SLC35F4: variants seen among roughly 807,000 people sequenced by gnomAD.
SLC35F4 encodes the protein chromosome 14 open reading frame 36.
In SLC35F4, 24 loss-of-function variants were observed where a neutral mutation model predicts 44.2. The observed-to-expected ratio is 0.54, with a 90% confidence interval of 0.39 to 0.76. The LOEUF (loss-of-function observed/expected upper bound fraction) is 0.76. Ranked by LOEUF, SLC35F4 falls within the 30% of genes least tolerant of loss-of-function variation. The probability of loss-of-function intolerance (pLI) is 0.00; values close to 1 mark genes in which losing one functional copy is unlikely to be tolerated. For synonymous variants in SLC35F4, 238 were observed against 223.6 expected (o/e 1.06, Z -0.57); for missense variants, 562 against 586.1 (o/e 0.96, Z 0.42).
At chr14:57,883,020 G>A (rs1888569639) in intron 1 of SLC35F4, among the ~76,000 whole-genome samples, 1 of 151,160 alleles carries the variant, frequency 6.6e-6, no homozygotes, top group Non-Finnish European at 1.5e-5. Flanking sequence ...AGGAGGAGGA[G>A]AGGAGGGGAG....
intron 1 of SLC35F4, among the ~76,000 whole-genome samples, chr14:57,848,013 A>T (rs553536323): frequency 2.1e-4 from 32 of 152,328 alleles, no homozygotes; most frequent in African/African-American, 7.2e-4. Flanking sequence ...AAGAATCAGG[A>T]AAGAAGATAA....
intron 1 of SLC35F4, among the ~76,000 whole-genome samples, chr14:57,704,088 G>A (rs528478125): frequency 3.9e-5 from 6 of 152,166 alleles, no homozygotes; most frequent in Non-Finnish European, 8.8e-5. Flanking sequence ...CTCTAGGCAG[G>A]ACTTAGAACT....
chr14:57,939,170 G>A (rs888514628), intron 1 of SLC35F4, among the ~76,000 whole-genome samples: 2 of 151,984 alleles, frequency 1.3e-5, no homozygotes, highest in Non-Finnish European at 2.9e-5. Flanking sequence ...GCTGCCCTGG[G>A]TTTCTGTGTT....
chr14:57,954,603 A>AT (rs1815960838), intron 1 of SLC35F4, among the ~76,000 whole-genome samples: 1 of 152,202 alleles, frequency 6.6e-6, no homozygotes, highest in Admixed American at 6.5e-5. Context: ...ATCACCACTG[A>AT]TCCCACACTA....
intron 1 of SLC35F4, among the ~76,000 whole-genome samples, chr14:57,803,718 T>A (rs957945187): frequency 1.3e-5 from 2 of 150,802 alleles, no homozygotes; most frequent in Admixed American, 6.7e-5. Flanking sequence ...GCCTCCTGAG[T>A]AGCTGGGATC....
At chr14:57,780,159 T>A (rs1277850941) in intron 1 of SLC35F4, among the ~76,000 whole-genome samples, 1 of 152,150 alleles carries the variant, frequency 6.6e-6, no homozygotes, top group African/African-American at 2.4e-5. Context: ...TGTTTGCAGA[T>A]GACATGATTC....
intron 1 of SLC35F4, among the ~76,000 whole-genome samples, chr14:57,816,396 A>T (rs1157463733): frequency 6.6e-6 from 1 of 152,184 alleles, no homozygotes; most frequent in Non-Finnish European, 1.5e-5. Context: ...TCATGCAGAA[A>T]ATGAACCTCC....
At chr14:57,652,477 A>C (rs1179976643) in intron 1 of SLC35F4, among the ~76,000 whole-genome samples, 1 of 152,162 alleles carries the variant, frequency 6.6e-6, no homozygotes, top group Non-Finnish European at 1.5e-5. Context: ...GTGGTTCTGA[A>C]CGAGGGATGA....
intron 1 of SLC35F4, among the ~76,000 whole-genome samples, chr14:57,712,464 T>C (rs972837144): frequency 2.6e-5 from 4 of 152,206 alleles, no homozygotes; most frequent in Non-Finnish European, 4.4e-5. Flanking sequence ...ACCTAATACA[T>C]TGGCTACTAG....
At chr14:57,945,863 CT>C (rs781034783) in intron 1 of SLC35F4, among the ~76,000 whole-genome samples, 2 of 152,036 alleles carry the variant, frequency 1.3e-5, no homozygotes, top group Non-Finnish European at 2.9e-5. Flanking sequence ...TTGCATTTAC[CT>C]GATGATTAGT....
At chr14:57,622,243 T>A (rs937321757) in intron 1 of SLC35F4, among the ~76,000 whole-genome samples, 6 of 129,906 alleles carry the variant, frequency 4.6e-5, no homozygotes, top group Non-Finnish European at 8.2e-5. Context: ...GTTCAACCAC[T>A]GTGGAAGTCA....
At chr14:57,670,277 A>AC (rs549524581) in intron 1 of SLC35F4, among the ~76,000 whole-genome samples, 3,900 of 152,078 alleles carry the variant, frequency 0.026, 184 homozygotes, top group African/African-American at 0.088. Flanking sequence ...TTTTCAAAGA[A>AC]CAGCTCCTGG....
intron 1 of SLC35F4, among the ~76,000 whole-genome samples, chr14:57,823,706 T>C (rs972177925): frequency 9.9e-5 from 15 of 152,214 alleles, no homozygotes; most frequent in Non-Finnish European, 2.1e-4. Flanking sequence ...TCTTAATAGA[T>C]AGGTGTTTAT....
chr14:57,928,754 G>C (rs2141064233), intron 1 of SLC35F4, among the ~76,000 whole-genome samples: 1 of 152,300 alleles, frequency 6.6e-6, no homozygotes, highest in Admixed American at 6.5e-5. Flanking sequence ...AGAGATGCTA[G>C]AATTACCTGA....
intron 1 of SLC35F4, among the ~76,000 whole-genome samples, chr14:57,690,530 T>C (rs1489734685): frequency 2.0e-5 from 3 of 152,010 alleles, no homozygotes; most frequent in Non-Finnish European, 2.9e-5. Flanking sequence ...TTTCCATGGA[T>C]GTAGGGGAAA....
At chr14:57,656,652 T>C (rs140703486) in intron 1 of SLC35F4, among the ~76,000 whole-genome samples, 1 of 152,058 alleles carries the variant, frequency 6.6e-6, no homozygotes, top group Non-Finnish European at 1.5e-5. Flanking sequence ...GCATCCCCTC[T>C]GTAAAGTGGG....
intron 1 of SLC35F4, among the ~76,000 whole-genome samples, chr14:57,841,414 G>A (rs1885469616): frequency 2.6e-5 from 4 of 152,126 alleles, no homozygotes; most frequent in African/African-American, 4.8e-5. Flanking sequence ...CTAAAATAGC[G>A]ATTGTGGAAG....
chr14:57,829,509 T>C (rs1884128660), intron 1 of SLC35F4, among the ~76,000 whole-genome samples: 1 of 152,178 alleles, frequency 6.6e-6, no homozygotes, highest in Non-Finnish European at 1.5e-5. Context: ...AAAGCAGGTC[T>C]AAAACGCTGT....
At chr14:57,617,691 A>T (rs1406077438) in intron 1 of SLC35F4, among the ~76,000 whole-genome samples, 2 of 152,122 alleles carry the variant, frequency 1.3e-5, no homozygotes, top group African/African-American at 4.8e-5. Context: ...GTGTGCTAGG[A>T]GGGGTAGAGT....
Sources: gnomAD v4.1 joint callset for allele counts (sites outside exome capture counted in the v4.1 genomes callset) on GRCh38, gnomAD v4.1.1 for gene constraint, MANE v1.5 for transcripts, NCBI Gene and HGNC (gene_info 2026-07-23, HGNC 2026-07-21) for gene names.